Variants in SDK1 observed in about 807,000 individuals in gnomAD.
SDK1 encodes sidekick cell adhesion molecule 1.
SDK1 carries 157 observed loss-of-function variants against 245.5 expected under a neutral mutation model. That is an observed-to-expected ratio of 0.64 (90% CI 0.56 to 0.73). SDK1 has a LOEUF of 0.73. Ranked by LOEUF, SDK1 falls within the 30% of genes least tolerant of loss-of-function variation. The pLI is 0.00. For missense variants in SDK1, 3,583 were observed against 3,002.3 expected (o/e 1.19, Z -4.52); for synonymous variants, 1,647 against 1,278.5 (o/e 1.29, Z -6.15).
intron 12 of SDK1, among the ~76,000 whole-genome samples, chr7:3,973,228 C>T (rs540992049): frequency 1.3e-5 from 2 of 152,292 alleles, no homozygotes; most frequent in South Asian, 2.1e-4. Context: ...GTCTATCCAT[C>T]TCCCTCTTGT....
chr7:3,622,872 G>A (rs1271499036), intron 2 of SDK1, among the ~76,000 whole-genome samples: 2 of 152,022 alleles, frequency 1.3e-5, no homozygotes, highest in Admixed American at 1.3e-4. Flanking sequence ...ACTTAGATGG[G>A]TTATCAGGAA....
chr7:3,926,599 G>A (rs546224892), intron 5 of SDK1, among the ~76,000 whole-genome samples: 8 of 152,016 alleles, frequency 5.3e-5, no homozygotes, highest in African/African-American at 1.4e-4. Flanking sequence ...GGCTGGTCTC[G>A]AACTCCTGGG....
At chr7:3,566,242 T>TTTTG (rs753014150) in intron 1 of SDK1, among the ~76,000 whole-genome samples, 1 of 147,110 alleles carries the variant, frequency 6.8e-6, no homozygotes, top group African/African-American at 2.6e-5. Flanking sequence ...TTTTTTTTTT[T>TTTTG]GAGATGGAGT....
At chr7:3,731,500 T>C (rs1779177610) in intron 4 of SDK1, among the ~76,000 whole-genome samples, 1 of 152,208 alleles carries the variant, frequency 6.6e-6, no homozygotes, top group African/African-American at 2.4e-5. Context: ...TTTCTTCTGC[T>C]ATTCTTTCAT....
At chr7:3,996,991 T>A (rs1784734743) in intron 14 of SDK1, among the ~76,000 whole-genome samples, 1 of 152,014 alleles carries the variant, frequency 6.6e-6, no homozygotes, top group Admixed American at 6.6e-5. Flanking sequence ...CTTAAGGGAG[T>A]TTTGACAAAT....
intron 1 of SDK1, among the ~76,000 whole-genome samples, chr7:3,368,697 G>A (rs1044898180): frequency 6.6e-6 from 1 of 152,154 alleles, no homozygotes; most frequent in Non-Finnish European, 1.5e-5. Flanking sequence ...GAAGTGAGAA[G>A]CATCAGGACA....
chr7:4,208,352 G>T, intron 37 of SDK1, 67 bp downstream of exon 37: 2 of 1,466,482 alleles, frequency 1.4e-6, no homozygotes, highest in Non-Finnish European at 1.9e-6. Context: ...CGCCAGCTCA[G>T]GTCCCCTCAC....
intron 31 of SDK1, among the ~76,000 whole-genome samples, chr7:4,159,315 G>A (rs1322209229): frequency 1.3e-5 from 2 of 152,218 alleles, no homozygotes; most frequent in South Asian, 2.1e-4. Context: ...ACCTGGAAGT[G>A]TGGTTTCTCC....
chr7:3,781,196 C>G (rs1349209686), intron 4 of SDK1, among the ~76,000 whole-genome samples: 2 of 152,090 alleles, frequency 1.3e-5, no homozygotes, highest in Admixed American at 1.3e-4. Context: ...TAGCCCTGCC[C>G]AACTGTAGAT....
intron 2 of SDK1, among the ~76,000 whole-genome samples, chr7:3,632,034 C>G (rs1255433412): frequency 2.0e-5 from 3 of 152,156 alleles, no homozygotes; most frequent in Non-Finnish European, 4.4e-5. Flanking sequence ...TGGTCCCCAA[C>G]TTTTATGTTC....
chr7:3,453,617 G>T lies in SDK1; in HGVS notation c.298+151733G>T, dbSNP rs1430018666. Among the ~76,000 whole-genome samples the T allele has an allele frequency of 1.3e-5, 2 of 152,282 alleles. 1 individual carries two copies. Among genetic ancestry groups the T allele is most frequent in the South Asian group, 4.1e-4 (2 of 4,820 alleles). ...ATGCCGACAGCTGCCTACTGTAAGA[G>T]GCAAGGAGCAGATTTCCCCTTAGAG... On this transcript the variant is annotated intron_variant, in intron 1 of 44. Transcript: ENST00000404826.
At chr7:4,092,500 C>T (rs1249037730) in intron 22 of SDK1, among the ~76,000 whole-genome samples, 1 of 152,138 alleles carries the variant, frequency 6.6e-6, no homozygotes, top group Non-Finnish European at 1.5e-5. Context: ...GCCTCCTATA[C>T]CTCACCCCCT....
chr7:4,206,000 G>T lies in SDK1; in HGVS notation c.5214+6G>T, dbSNP rs1254831421. ...GGAACATCCAAGGCTACAAGGCAAG[G>T]CCCTCCCGTGCGGTTGCCTCCCCTG... On this transcript the variant is annotated splice_donor_region_variant and intron_variant, in intron 36 of 44. Coordinates refer to ENST00000404826, the MANE Select transcript of SDK1 (RefSeq NM_152744.4). 1 of 1,517,770 alleles carries T rather than the reference G, an allele frequency of 6.6e-7. No homozygotes were observed. 94.0% of individuals were successfully genotyped at this position (1,517,770 alleles called of 1,614,324 possible). A position where few individuals can be genotyped will look rare whatever the true frequency, so the allele number is the denominator to read the frequency against.
intron 4 of SDK1, among the ~76,000 whole-genome samples, chr7:3,797,073 C>G (rs531486195): frequency 1.3e-5 from 2 of 151,246 alleles, no homozygotes; most frequent in Admixed American, 6.6e-5. Context: ...GTGGTGCAGT[C>G]ATAGCTCACT....
At chr7:4,243,254 C>A (rs1309063185) in intron 43 of SDK1, among the ~76,000 whole-genome samples, 1 of 152,180 alleles carries the variant, frequency 6.6e-6, no homozygotes, top group Non-Finnish European at 1.5e-5. Context: ...AGTCCATCTG[C>A]TTCCTAGGAA....
intron 1 of SDK1, among the ~76,000 whole-genome samples, chr7:3,346,460 T>C (rs1330197508): frequency 1.3e-5 from 2 of 152,136 alleles, no homozygotes; most frequent in Admixed American, 6.5e-5. Flanking sequence ...ATTCCACAAG[T>C]GTGCTGTGCT....
rs71552309 is a variant in SDK1 at position 3,485,683 on chromosome 7, G to GTTTT, written c.299-133378_299-133375dup. On this transcript the variant is annotated intron_variant, in intron 1 of 44. Transcript: ENST00000404826. Reference sequence around the variant, plus strand: ...GTGCTGAGGGGATGATCTTTGGAGGGTTTTTTTTTTTTTTTTTTTTTTGAG... The same window carrying GTTTT: ...GTGCTGAGGGGATGATCTTTGGAGGGTTTTTTTTTTTTTTTTTTTTTTTTTTGAG... Among the ~76,000 whole-genome samples, 170 of 38,158 alleles carry GTTTT rather than the reference G, an allele frequency of 4.5e-3. 28 individuals carry two copies. The highest frequency in any genetic ancestry group is 5.7e-3 in the Non-Finnish European group (125 of 21,974). 25.0% of individuals were successfully genotyped at this position (38,158 alleles called of 152,430 possible).
intron 1 of SDK1, among the ~76,000 whole-genome samples, chr7:3,520,553 A>G (rs1782904133): frequency 6.6e-6 from 1 of 152,220 alleles, no homozygotes; most frequent in African/African-American, 2.4e-5. Flanking sequence ...TCTTACTTAT[A>G]TCAAAAGCAG....
At chr7:3,823,774 A>C (rs1390562926) in intron 5 of SDK1, among the ~76,000 whole-genome samples, 3 of 152,318 alleles carry the variant, frequency 2.0e-5, no homozygotes, top group South Asian at 2.1e-4. Context: ...TCTTAGGACA[A>C]AACCTACATT....
Sources: allele counts gnomAD v4.1 joint callset (sites outside exome capture counted in the v4.1 genomes callset), GRCh38; gene constraint gnomAD v4.1.1; transcripts MANE v1.5; gene names NCBI Gene and HGNC (gene_info 2026-07-23, HGNC 2026-07-21).